The following SORCS2 variants were observed in gnomAD, a reference collection of about 807,000 sequenced individuals.
SORCS2 encodes the protein VPS10 domain-containing receptor SorCS2.
SORCS2 carries 100 observed loss-of-function variants against 141.6 expected under a neutral mutation model. The ratio of observed to expected loss-of-function variants is 0.71; its 90% CI spans 0.60 to 0.83. SORCS2 has a LOEUF of 0.83. Among genes scored for constraint, SORCS2 ranks in the 40% least tolerant of loss-of-function variants. The pLI, the probability that SORCS2 is intolerant of heterozygous loss-of-function variation, is 0.00. For missense variants in SORCS2, 1,646 were observed against 1,560.2 expected, an observed-to-expected ratio of 1.05 and a Z score of -0.93; for synonymous variants, 789 against 676.9, an observed-to-expected ratio of 1.17 and a Z score of -2.57.
intron 1 of SORCS2, among the ~76,000 whole-genome samples, chr4:7,280,619 A>C (rs919672367): frequency 6.6e-6 from 1 of 152,192 alleles, no homozygotes; most frequent in African/African-American, 2.4e-5. Flanking sequence ...CTCTGTCAGG[A>C]ACTGCCAAAC....
At chr4:7,667,451 G>T (rs1400099398) in intron 8 of SORCS2, among the ~76,000 whole-genome samples, 1 of 152,178 alleles carries the variant, frequency 6.6e-6, no homozygotes, top group African/African-American at 2.4e-5. Context: ...TCTTCCCTCT[G>T]CCTGGTTCAT....
intron 2 of SORCS2, among the ~76,000 whole-genome samples, chr4:7,407,481 G>A (rs1262482431): frequency 6.6e-6 from 1 of 152,042 alleles, no homozygotes; most frequent in East Asian, 1.9e-4. Context: ...CTATTTCATT[G>A]GCTATAAATA....
At chr4:7,530,128 C>T (rs139225395) in intron 2 of SORCS2, among the ~76,000 whole-genome samples, 2 of 152,334 alleles carry the variant, frequency 1.3e-5, no homozygotes, top group East Asian at 1.9e-4. Context: ...AGGGAGGAAA[C>T]GTCTCCAAGT....
At chr4:7,736,315 G>A (rs1712163683) in intron 25 of SORCS2, among the ~76,000 whole-genome samples, 1 of 152,238 alleles carries the variant, frequency 6.6e-6, no homozygotes, top group Admixed American at 6.5e-5. Flanking sequence ...CAGCTTATAG[G>A]TGATACTGGC....
intron 2 of SORCS2, among the ~76,000 whole-genome samples, chr4:7,411,080 C>G (rs1028150163): frequency 6.6e-6 from 1 of 151,274 alleles, no homozygotes; most frequent in Non-Finnish European, 1.5e-5. Context: ...CTCAGCCTCC[C>G]GAGTAGCTGG....
At chr4:7,375,738 G>A (rs1454970198) in intron 1 of SORCS2, among the ~76,000 whole-genome samples, 1 of 152,242 alleles carries the variant, frequency 6.6e-6, no homozygotes, top group Non-Finnish European at 1.5e-5. Context: ...CCACCCCAAA[G>A]CCTATTAGAA....
At chr4:7,384,686 C>T (rs924623538) in intron 1 of SORCS2, among the ~76,000 whole-genome samples, 1 of 152,180 alleles carries the variant, frequency 6.6e-6, no homozygotes, top group Non-Finnish European at 1.5e-5. Context: ...GTTCCCACCT[C>T]CTTCCTGGCT....
intron 1 of SORCS2, among the ~76,000 whole-genome samples, chr4:7,214,134 C>T (rs10937792): frequency 0.35 from 53,360 of 151,970 alleles, 10,067 homozygotes; most frequent in East Asian, 0.54. Context: ...GCAGCTCTCC[C>T]CACTGGGGAC....
chr4:7,639,621 ATGTGTGGG>A (rs1466321785), intron 4 of SORCS2, among the ~76,000 whole-genome samples: 1 of 147,930 alleles, frequency 6.8e-6, no homozygotes, highest in Non-Finnish European at 1.5e-5. Context: ...GTGCGTGTGA[ATGTGTGGG>A]TGTGTGGGAG....
intron 1 of SORCS2, among the ~76,000 whole-genome samples, chr4:7,226,530 G>A (rs746732307): frequency 3.9e-5 from 6 of 152,146 alleles, no homozygotes; most frequent in Non-Finnish European, 4.4e-5. Flanking sequence ...GGACTCATCC[G>A]GAACAGGCGG....
rs16840107 is a variant in SORCS2, at chr4:7,352,801, G to A, written c.481-43487G>A. ...TGCATGTCTTTATGGGCCAGGGACT[G>A]TGTGTTTCAGAAAGAAAACTTTGGT... On this transcript the variant is annotated intron_variant, in intron 1 of 26. Transcript: ENST00000507866. 8.0e-3 allele frequency among the ~76,000 whole-genome samples: 1,212 copies of A among 152,276 alleles called. 18 individuals carry two copies. Among genetic ancestry groups the A allele is most frequent in the African/African-American group, 0.028 (1,150 of 41,544 alleles).
At chr4:7,734,760 C>A (rs190367570) in intron 25 of SORCS2, among the ~76,000 whole-genome samples, 1 of 152,208 alleles carries the variant, frequency 6.6e-6, no homozygotes, top group Non-Finnish European at 1.5e-5. Context: ...AGCCTCAGAA[C>A]TGGGACCTGA....
At chr4:7,581,054 G>A (rs1716108210) in intron 3 of SORCS2, among the ~76,000 whole-genome samples, 1 of 151,730 alleles carries the variant, frequency 6.6e-6, no homozygotes, top group Non-Finnish European at 1.5e-5. Flanking sequence ...GCTCATAGAA[G>A]AAAGGTGGTT....
At chr4:7,229,920 T>C (rs975082624) in intron 1 of SORCS2, among the ~76,000 whole-genome samples, 1 of 149,232 alleles carries the variant, frequency 6.7e-6, no homozygotes, top group Non-Finnish European at 1.5e-5. Flanking sequence ...GATGGTCAAG[T>C]CTTCGAGTCT....
chr4:7,422,217 A>G (rs939379366), intron 2 of SORCS2, among the ~76,000 whole-genome samples: 13 of 152,092 alleles, frequency 8.5e-5, no homozygotes, highest in African/African-American at 3.1e-4. Flanking sequence ...TTCTCCTGTC[A>G]CTGCCCTCTT....
intron 3 of SORCS2, among the ~76,000 whole-genome samples, chr4:7,618,919 C>G (rs1718950071): frequency 6.6e-6 from 1 of 152,204 alleles, no homozygotes; most frequent in African/African-American, 2.4e-5. Context: ...CTGTGCCATC[C>G]ATGCCTGTGT....
chr4:7,718,904 A>G (rs1265949191), intron 18 of SORCS2, among the ~76,000 whole-genome samples: 1 of 152,276 alleles, frequency 6.6e-6, no homozygotes, highest in African/African-American at 2.4e-5. Flanking sequence ...ATTAATTTGT[A>G]ACATGCTTAT....
intron 1 of SORCS2, among the ~76,000 whole-genome samples, chr4:7,351,198 G>A (rs777609290): frequency 1.3e-5 from 2 of 152,190 alleles, no homozygotes; most frequent in Non-Finnish European, 2.9e-5. Context: ...TCACCGCAGT[G>A]TAATTGTGAG....
At chr4:7,462,470 G>A (rs1468669709) in intron 2 of SORCS2, among the ~76,000 whole-genome samples, 1 of 152,122 alleles carries the variant, frequency 6.6e-6, no homozygotes, top group East Asian at 1.9e-4. Context: ...GGTCCCTGAT[G>A]TGCAGAAGCC....
Sources: allele counts gnomAD v4.1 joint callset (sites outside exome capture counted in the v4.1 genomes callset), GRCh38; gene constraint gnomAD v4.1.1; transcripts MANE v1.5; gene names NCBI Gene and HGNC (gene_info 2026-07-23, HGNC 2026-07-21).